PTPA: variants seen among roughly 807,000 people sequenced by gnomAD.
PTPA encodes the protein serine/threonine-protein phosphatase 2A activator.
Under a neutral mutation model 43.6 loss-of-function variants are expected in PTPA, and 13 were observed. The ratio of observed to expected loss-of-function variants is 0.30; its 90% CI spans 0.19 to 0.47. The LOEUF (loss-of-function observed/expected upper bound fraction) is 0.47, where lower values mean the gene tolerates loss of function less well. Among genes scored for constraint, PTPA ranks in the 20% least tolerant of loss-of-function variants. PTPA has a pLI of 0.99. For synonymous variants in PTPA, 172 were observed against 158.2 expected (o/e 1.09, Z -0.66); for missense variants, 329 against 411.9 (o/e 0.80, Z 1.74).
chr9:129,116,884 C>G (rs1164541738), intron 1 of PTPA, among the ~76,000 whole-genome samples: 1 of 151,052 alleles, frequency 6.6e-6, no homozygotes, highest in Non-Finnish European at 1.5e-5. Flanking sequence ...CTGGGCTGGT[C>G]TTGAATTCCT....
At chr9:129,131,690 T>C (rs1041010729) in intron 5 of PTPA, 51 bp downstream of exon 5, 6 of 1,567,310 alleles carry the variant, frequency 3.8e-6, no homozygotes, top group Middle Eastern at 1.7e-4. Context: ...CTGCTTTCTG[T>C]TTTGGGCTTC....
intron 1 of PTPA, 64 bp from the exon 2 acceptor site, chr9:129,120,449 G>C: frequency 9.2e-7 from 1 of 1,090,642 alleles, no homozygotes; most frequent in Non-Finnish European, 1.3e-6. Context: ...AGGTGAAAGG[G>C]AGTGTGTGTG....
intron 9 of PTPA, chr9:129,143,258 T>C: frequency 1.4e-6 from 1 of 699,354 alleles, no homozygotes; most frequent in South Asian, 1.5e-5. Context: ...TGCTAGCTCC[T>C]CCCACTTCCT....
At chr9:129,131,765 A>G (rs895850299) in intron 5 of PTPA, 126 bp downstream of exon 5, 16 of 928,718 alleles carry the variant, frequency 1.7e-5, no homozygotes, top group Non-Finnish European at 2.2e-5. Flanking sequence ...CCTGCAACCT[A>G]TTGGGGCCAG....
chr9:129,136,345 T>G (rs930410984), intron 6 of PTPA, 126 bp from the exon 7 acceptor site: 26 of 1,064,464 alleles, frequency 2.4e-5, no homozygotes, highest in Non-Finnish European at 3.4e-5. Context: ...GCTACATTAT[T>G]GAAATTGAGA....
intron 7 of PTPA, 47 bp from the exon 8 acceptor site, chr9:129,137,545 A>C: frequency 6.7e-7 from 1 of 1,488,452 alleles, no homozygotes; most frequent in Non-Finnish European, 9.2e-7. Context: ...TTGCCCAGGT[A>C]GTCGTGGGGC....
At chr9:129,129,440 C>T (rs906394317) in intron 4 of PTPA, among the ~76,000 whole-genome samples, 1 of 151,682 alleles carries the variant, frequency 6.6e-6, no homozygotes, top group Non-Finnish European at 1.5e-5. Flanking sequence ...TACTGTGCAG[C>T]TATAAAAAGG....
At chr9:129,119,580 G>C (rs919393440) in intron 1 of PTPA, 1 of 151,560 alleles carries the variant, frequency 6.6e-6, no homozygotes, top group African/African-American at 2.4e-5. Flanking sequence ...TAATTTTTTT[G>C]TACTTTTTTA....
At chr9:129,129,639 T>A (rs973527388) in intron 4 of PTPA, among the ~76,000 whole-genome samples, 2 of 151,984 alleles carry the variant, frequency 1.3e-5, no homozygotes, top group Non-Finnish European at 2.9e-5. Context: ...CCGGCTAATT[T>A]TTTGTATTTT....
chr9:129,131,798 G>T (rs979387940), intron 5 of PTPA, among the ~76,000 whole-genome samples, 159 bp downstream of exon 5: 1 of 152,194 alleles, frequency 6.6e-6, no homozygotes, highest in African/African-American at 2.4e-5. Flanking sequence ...TGGCTTCACC[G>T]GCAGGGAGGG....
intron 1 of PTPA, among the ~76,000 whole-genome samples, chr9:129,115,101 T>C (rs1848781740): frequency 6.6e-6 from 1 of 152,162 alleles, no homozygotes; most frequent in African/African-American, 2.4e-5. Flanking sequence ...GAGCTGTCCC[T>C]TTGCAGAGAA....
chr9:129,143,350 T>G, intron 9 of PTPA: 1 of 703,078 alleles, frequency 1.4e-6, no homozygotes, highest in Non-Finnish European at 2.6e-6. Flanking sequence ...GATGGGTCCT[T>G]AAAGTCCCTT....
At chr9:129,117,796 A>G (rs1848978724) in intron 1 of PTPA, among the ~76,000 whole-genome samples, 1 of 151,384 alleles carries the variant, frequency 6.6e-6, no homozygotes, top group Non-Finnish European at 1.5e-5. Flanking sequence ...TCCCCAGTTC[A>G]AGCGATTCTC....
chr9:129,121,192 C>G (rs1849228429), intron 2 of PTPA, among the ~76,000 whole-genome samples: 1 of 152,202 alleles, frequency 6.6e-6, no homozygotes, highest in Non-Finnish European at 1.5e-5. Flanking sequence ...ATTTCAATTT[C>G]TCAGGGAAGG....
chr9:129,147,029 C>A (rs573219535), intron 9 of PTPA, among the ~76,000 whole-genome samples: 1 of 152,224 alleles, frequency 6.6e-6, no homozygotes, highest in African/African-American at 2.4e-5. Context: ...CCCCACGTCT[C>A]TTCTCTAGAA....
At chr9:129,132,807 G>A (rs1351560111) in intron 5 of PTPA, among the ~76,000 whole-genome samples, 1 of 152,154 alleles carries the variant, frequency 6.6e-6, no homozygotes. Flanking sequence ...TGATTGTTTT[G>A]TATTTTTTGT....
chr9:129,140,616 C>T (rs969515891), intron 8 of PTPA, among the ~76,000 whole-genome samples: 3 of 152,216 alleles, frequency 2.0e-5, no homozygotes, highest in Non-Finnish European at 4.4e-5. Context: ...CCTCGGAGCC[C>T]TTGCCGGGCA....
chr9:129,143,549 G>A (rs1851058095), intron 9 of PTPA: 2 of 667,690 alleles, frequency 3.0e-6, no homozygotes, highest in Admixed American at 2.2e-5. Context: ...AGAGGCCAGC[G>A]GGGTGGGGGA....
intron 9 of PTPA, chr9:129,142,972 A>G (rs1373467598): frequency 2.2e-6 from 3 of 1,365,468 alleles, no homozygotes; most frequent in Admixed American, 5.7e-5. Context: ...CTGCCTTCAA[A>G]TGTTAGTGTG....
Sources: gnomAD v4.1 joint callset for allele counts (sites outside exome capture counted in the v4.1 genomes callset) on GRCh38, gnomAD v4.1.1 for gene constraint, MANE v1.5 for transcripts, NCBI Gene and HGNC (gene_info 2026-07-23, HGNC 2026-07-21) for gene names.